The following TPCN2 variants were observed in gnomAD, a reference collection of about 807,000 sequenced individuals.
TPCN2 encodes the protein two pore channel protein 2.
Under a neutral mutation model 111.4 loss-of-function variants are expected in TPCN2, and 92 were observed. The ratio of observed to expected loss-of-function variants is 0.83; its 90% CI spans 0.70 to 0.98. TPCN2 has a LOEUF of 0.98. Among genes scored for constraint, TPCN2 ranks in the 50% least tolerant of loss-of-function variants. The probability of loss-of-function intolerance (pLI) is 0.00; values close to 1 mark genes in which losing one functional copy is unlikely to be tolerated. For missense variants in TPCN2, 995 were observed against 980.1 expected (o/e 1.02, Z -0.20); for synonymous variants, 405 against 414.5 (o/e 0.98, Z 0.28).
intron 13 of TPCN2, 71 bp from the exon 14 acceptor site, chr11:69,078,411 G>A (rs1257672352): frequency 1.1e-5 from 18 of 1,592,772 alleles, no homozygotes; most frequent in Non-Finnish European, 1.5e-5. Flanking sequence ...ATAAGAGGGT[G>A]TGAGCATTTT....
rs1855585319 is a variant in TPCN2 at position 69,072,608 on chromosome 11, T to A, written c.1062-19T>A. ...GCCGAGCTGGCTGTGCTCACCGGGC[T>A]GTGGGTTTTTCCCTGCAGAGTTGGG... On this transcript the variant is annotated intron_variant, in intron 11 of 24. Transcript: ENST00000294309. The A allele has an allele frequency of 6.2e-7, 1 of 1,613,570 alleles. No homozygotes were observed. The highest frequency in any genetic ancestry group is 8.5e-7 in the Non-Finnish European group (1 of 1,179,774).
chr11:69,050,276 C>T (rs1436989492), intron 1 of TPCN2, among the ~76,000 whole-genome samples: 1 of 152,226 alleles, frequency 6.6e-6, no homozygotes, highest in Non-Finnish European at 1.5e-5. Flanking sequence ...GATGAGACGC[C>T]CAGCATATGG....
chr11:69,061,246 C>A (rs1241323978), intron 5 of TPCN2, among the ~76,000 whole-genome samples: 1 of 152,148 alleles, frequency 6.6e-6, no homozygotes, highest in Non-Finnish European at 1.5e-5. Flanking sequence ...GGGGGCTGAG[C>A]CGGCCGGCTG....
chr11:69,083,863 C>T, intron 18 of TPCN2, 82 bp from the exon 19 acceptor site: 1 of 1,363,976 alleles, frequency 7.3e-7, no homozygotes, highest in Non-Finnish European at 1.0e-6. Flanking sequence ...GCCTTTCTGT[C>T]AGGGTCAGCG....
intron 1 of TPCN2, among the ~76,000 whole-genome samples, chr11:69,049,357 T>C (rs4453241): frequency 0.92 from 140,498 of 152,242 alleles, 65,604 homozygotes; most frequent in Non-Finnish European, 1. Context: ...CCCGACCAGC[T>C]GGGCGAAGAG....
intron 6 of TPCN2, 119 bp downstream of exon 6, chr11:69,063,109 G>C: frequency 1.1e-6 from 1 of 877,188 alleles, no homozygotes; most frequent in Non-Finnish European, 1.8e-6. Flanking sequence ...CCGCATCCCT[G>C]GCTGGCTGGT....
rs1312335731 is a variant in TPCN2, at chr11:69,088,670, C to G, written c.*717C>G. ...TGAGGGGCACCTTTTCTGTTTTGCT[C>G]AAAGGCATGTATAAGCCAATGGGTG... On this transcript the variant is annotated 3_prime_UTR_variant, in exon 25 of 25. Coordinates refer to ENST00000294309, the MANE Select transcript of TPCN2 (RefSeq NM_139075.4). 1.4e-5 allele frequency: 2 copies of G among 147,634 alleles called. No homozygotes were observed. Among genetic ancestry groups the G allele is most frequent in the African/African-American group, 2.5e-5 (1 of 39,554 alleles). 9.1% of individuals were successfully genotyped at this position (147,634 alleles called of 1,614,324 possible).
At chr11:69,049,394 G>T (rs1861111815) in intron 1 of TPCN2, among the ~76,000 whole-genome samples, 1 of 152,196 alleles carries the variant, frequency 6.6e-6, no homozygotes, top group South Asian at 2.1e-4. Flanking sequence ...GGGCAGCCCC[G>T]AGGGAACCGG....
intron 5 of TPCN2, among the ~76,000 whole-genome samples, chr11:69,061,345 G>A (rs1181243644): frequency 6.6e-6 from 1 of 152,232 alleles, no homozygotes; most frequent in Non-Finnish European, 1.5e-5. Context: ...GGACCCCGGA[G>A]GCCATGGGCA....
rs1856395333 is a variant in TPCN2, at chr11:69,090,300, T to A, written c.*2347T>A. On this transcript the variant is annotated 3_prime_UTR_variant, in exon 25 of 25. Transcript: ENST00000294309. ...CTTTCCATAGCTGTAAGGCCCTTTCTGGGAATGGTTCTCATTCTCCTTAAT... is the reference window on the plus strand; with the variant it reads ...CTTTCCATAGCTGTAAGGCCCTTTCAGGGAATGGTTCTCATTCTCCTTAAT... The A allele has an allele frequency of 6.7e-6, 1 of 149,830 alleles. No homozygotes were observed. The highest frequency in any genetic ancestry group is 2.1e-4 in the South Asian group (1 of 4,772). The allele number at this position is 149,830 out of a possible 1,614,324, so 9.3% of individuals were successfully genotyped here.
chr11:69,049,225 G>A, intron 1 of TPCN2, 119 bp downstream of exon 1: 18 of 640,338 alleles, frequency 2.8e-5, no homozygotes, highest in Non-Finnish European at 4.0e-5. Flanking sequence ...TCGAGTCCGA[G>A]CGGGGCCCGG....
intron 9 of TPCN2, among the ~76,000 whole-genome samples, chr11:69,071,120 TTCACCCCAGGGATCCC>T (rs1565088173): frequency 7.3e-6 from 1 of 137,094 alleles, no homozygotes; most frequent in East Asian, 2.1e-4. Context: ...CACCAACAGC[TTCACCCCAGGGATCCC>T]CCACCAACAG....
At chr11:69,051,710 C>A (rs747486221) in intron 1 of TPCN2, among the ~76,000 whole-genome samples, 7 of 152,200 alleles carry the variant, frequency 4.6e-5, no homozygotes, top group Non-Finnish European at 8.8e-5. Context: ...GTGATTGTCC[C>A]CCAGGGTGAT....
chr11:69,085,643 C>T (rs777930626), intron 20 of TPCN2, 28 bp from the exon 21 acceptor site: 2 of 1,492,166 alleles, frequency 1.3e-6, no homozygotes, highest in South Asian at 1.1e-5. Context: ...AGCCCCCGCC[C>T]CTGACCCAGG....
chr11:69,065,419 C>T lies in TPCN2; in HGVS notation c.726+1452C>T, dbSNP rs200439073. Among the ~76,000 whole-genome samples, 17 of 152,314 alleles carry T rather than the reference C, an allele frequency of 1.1e-4. No homozygotes were observed. In the East Asian group the frequency reaches 3.3e-3, roughly 29 times the overall value. On this transcript the variant is annotated intron_variant, in intron 7 of 24. Coordinates refer to ENST00000294309, the MANE Select transcript of TPCN2 (RefSeq NM_139075.4). ...GAGGCACCTGGAAGGGTTGGCTCCT[C>T]CTCCAGGCGTGGGTTTCTGCCCCAC... is the stretch of plus-strand genomic sequence containing the variant.
At chr11:69,055,406 C>T (rs1049775536) in intron 4 of TPCN2, 54 bp downstream of exon 4, 76 of 1,487,246 alleles carry the variant, frequency 5.1e-5, no homozygotes, top group East Asian at 7.0e-5. Flanking sequence ...AGCGCCTGGC[C>T]GCTGCTCTCC....
Position 69,085,842 on chromosome 11 carries a change from C to G in TPCN2, c.1921-6C>G. The G allele has an allele frequency of 6.2e-7, 1 of 1,614,164 alleles. No homozygotes were observed. The highest frequency in any genetic ancestry group is 1.1e-5 in the South Asian group (1 of 91,086). Reference sequence around the variant, plus strand: ...CCTCCTGGACCGCTGGTCTCTGCCCCCGCAGGCTGCCCTGGTCACTCTGTG... The same window carrying G: ...CCTCCTGGACCGCTGGTCTCTGCCCGCGCAGGCTGCCCTGGTCACTCTGTG... On this transcript the variant is annotated splice_polypyrimidine_tract_variant and splice_region_variant and intron_variant, in intron 21 of 24. Coordinates refer to ENST00000294309, the MANE Select transcript of TPCN2 (RefSeq NM_139075.4).
chr11:69,075,682 T>C (rs1417390360), intron 13 of TPCN2, among the ~76,000 whole-genome samples: 1 of 152,196 alleles, frequency 6.6e-6, no homozygotes, highest in Non-Finnish European at 1.5e-5. Context: ...CTCCAGCCTT[T>C]TCGAGAGCCC....
chr11:69,064,398 CT>C (rs765071998), intron 7 of TPCN2, among the ~76,000 whole-genome samples: 7 of 151,960 alleles, frequency 4.6e-5, no homozygotes, highest in African/African-American at 7.3e-5. Flanking sequence ...CAGGCTTGCC[CT>C]GTACCCTCTC....
Sources: allele counts gnomAD v4.1 joint callset (sites outside exome capture counted in the v4.1 genomes callset), GRCh38; gene constraint gnomAD v4.1.1; transcripts MANE v1.5; gene names NCBI Gene and HGNC (gene_info 2026-07-23, HGNC 2026-07-21).